The following ZNF331 variants were observed in gnomAD, a reference collection of about 807,000 sequenced individuals.
The protein encoded by ZNF331 is zinc finger protein 331.
Under a neutral mutation model 7.0 loss-of-function variants are expected in ZNF331, and 2 were observed. That is an observed-to-expected ratio of 0.29 (90% confidence interval 0.12 to 0.90). The LOEUF is 0.90. Ranked by LOEUF, ZNF331 falls within the 40% of genes least tolerant of loss-of-function variation. The probability of loss-of-function intolerance (pLI) is 0.58; values close to 1 mark genes in which losing one functional copy is unlikely to be tolerated. For missense variants in ZNF331, 432 were observed against 587.7 expected, an observed-to-expected ratio of 0.74 and a Z score of 2.74; for synonymous variants, 196 against 205.4, an observed-to-expected ratio of 0.95 and a Z score of 0.39.
upstream of ZNF331, chr19:53,537,974 G>GGGGGTCTGTGTACGCTCACATACGTGTC (rs1568471774): frequency 6.6e-6 from 1 of 152,264 alleles, no homozygotes; most frequent in Admixed American, 6.5e-5. Context: ...GCTATGTATC[G>GGGGGTCTGTGTACGCTCACATACGTGTC]GGGGTCTGTG....
the ZNF331 span, among the ~76,000 whole-genome samples, chr19:53,506,975 G>T: frequency 6.9e-4 from 105 of 152,312 alleles, 1 homozygote; most frequent in South Asian, 0.015. Context: ...TGTCTCGGCA[G>T]GTGAGAGGAG....
At chr19:53,506,478 C>CTG in the ZNF331 span, among the ~76,000 whole-genome samples, 7 of 133,338 alleles carry the variant, frequency 5.2e-5, no homozygotes, top group Admixed American at 5.3e-4. Flanking sequence ...CTCTCTCTCT[C>CTG]TCTGTCTGTC....
chr19:53,505,014 C>T, the ZNF331 span, among the ~76,000 whole-genome samples: 1 of 152,200 alleles, frequency 6.6e-6, no homozygotes, highest in Admixed American at 6.5e-5. Flanking sequence ...GTTGCTCATT[C>T]TCCTCCTGGC....
chr19:53,509,974 C>G, the ZNF331 span, among the ~76,000 whole-genome samples: 19 of 152,110 alleles, frequency 1.2e-4, no homozygotes, highest in African/African-American at 4.3e-4. Context: ...CATCAGATCT[C>G]GTGAGAACGC....
intron 2 of ZNF331, among the ~76,000 whole-genome samples, chr19:53,541,110 C>CTTTT (rs56706446): frequency 0.18 from 24,397 of 139,114 alleles, 2,282 homozygotes; most frequent in East Asian, 0.19. Context: ...TATTTCTTTT[C>CTTTT]TTTTTTTTTT....
chr19:53,514,914 T>A (rs573799956), upstream of ZNF331, among the ~76,000 whole-genome samples: 28 of 152,288 alleles, frequency 1.8e-4, 1 homozygote, highest in Middle Eastern at 3.4e-3. Flanking sequence ...CCTCCCAAAG[T>A]GCTGGATTAC....
chr19:53,524,977 A>G (rs892367141), intron 2 of ZNF331, among the ~76,000 whole-genome samples: 3 of 152,232 alleles, frequency 2.0e-5, no homozygotes, highest in African/African-American at 7.2e-5. Flanking sequence ...TCAGCTTTCT[A>G]CATATGGCTA....
rs1041896398 is a variant in ZNF331 at position 53,573,175 on chromosome 19, C to T, written c.136+1445C>T. Among the ~76,000 whole-genome samples the T allele has an allele frequency of 3.3e-5, 5 of 151,814 alleles. No individual in the cohort carries two copies. Among genetic ancestry groups the T allele is most frequent in the East Asian group, 1.9e-4 (1 of 5,156 alleles). On this transcript the variant is annotated intron_variant, in intron 5 of 5. Coordinates refer to ENST00000449416, the MANE Select transcript of ZNF331 (RefSeq NM_001079906.2). The surrounding 1 kb of genome is among the most constrained non-coding windows in gnomAD (Gnocchi z 4.2). ...CAGAGGTTGCAGTGAGCCAAGATCA[C>T]GCTACTGTGCTGCAGCCTGGGCAAC...
At chr19:53,528,058 TC>T (rs2087375195) in intron 2 of ZNF331, among the ~76,000 whole-genome samples, 1 of 152,226 alleles carries the variant, frequency 6.6e-6, no homozygotes, top group Admixed American at 6.5e-5. Flanking sequence ...ATTACACGAA[TC>T]TCCCATATCA....
At chr19:53,574,599 G>A (rs2090616102) in intron 5 of ZNF331, among the ~76,000 whole-genome samples, 1 of 152,142 alleles carries the variant, frequency 6.6e-6, no homozygotes, top group African/African-American at 2.4e-5. Flanking sequence ...AAGTGGGTTA[G>A]CCTCGCTTTA....
At chr19:53,543,928 C>A (rs1293537454) in intron 2 of ZNF331, among the ~76,000 whole-genome samples, 2 of 152,058 alleles carry the variant, frequency 1.3e-5, no homozygotes, top group African/African-American at 4.8e-5. Context: ...CTTGGTAATT[C>A]ATCATAAAAA....
chr19:53,551,868 C>T (rs1463076721), intron 2 of ZNF331, among the ~76,000 whole-genome samples: 1 of 152,106 alleles, frequency 6.6e-6, no homozygotes, highest in Non-Finnish European at 1.5e-5. Flanking sequence ...GAGTCTGAAG[C>T]ATTCGAGGAT....
chr19:53,505,460 A>T, the ZNF331 span, among the ~76,000 whole-genome samples: 1 of 152,064 alleles, frequency 6.6e-6, no homozygotes, highest in Non-Finnish European at 1.5e-5. Flanking sequence ...GTGCCTCCCA[A>T]AATGCTGGGA....
At chr19:53,562,089 A>G (rs1273761618) in intron 3 of ZNF331, among the ~76,000 whole-genome samples, 1 of 152,166 alleles carries the variant, frequency 6.6e-6, no homozygotes, top group African/African-American at 2.4e-5. Flanking sequence ...TGGAGGTTGC[A>G]GTGAGCCGAG....
At chr19:53,523,927 C>T (rs990726834) in intron 2 of ZNF331, among the ~76,000 whole-genome samples, 3 of 152,052 alleles carry the variant, frequency 2.0e-5, no homozygotes, top group Admixed American at 6.6e-5. Flanking sequence ...CCCCCAACTC[C>T]GACGGGCCCT....
At position 53,529,544 on chromosome 19, in the gene ZNF331, G is replaced by A. The variant is rs528017506; in HGVS notation, c.-205+6860G>A. 8.5e-4 allele frequency among the ~76,000 whole-genome samples: 129 copies of A among 152,186 alleles called. 4 individuals are homozygous for A. The highest frequency in any genetic ancestry group is 6.3e-4 in the Non-Finnish European group (43 of 68,030). The stretch of plus-strand genomic sequence containing the variant: ...GTAAAAGGTAAACAGGATCTCTCTC[G>A]CTGTATTGTTTCTTACAACTGCATG... On this transcript the variant is annotated intron_variant, in intron 2 of 6. Coordinates refer to the ZNF331 transcript ENST00000253144.
chr19:53,554,447 T>G (rs2089229848), intron 2 of ZNF331: 2 of 152,296 alleles, frequency 1.3e-5, no homozygotes, highest in Non-Finnish European at 2.9e-5. Flanking sequence ...TGCTGCTGCC[T>G]GCGCGCTCCG....
the ZNF331 span, among the ~76,000 whole-genome samples, chr19:53,505,242 G>A: frequency 6.6e-6 from 1 of 152,120 alleles, no homozygotes; most frequent in Admixed American, 6.5e-5. Flanking sequence ...TCAGCTTAGA[G>A]GTTTTTGGGA....
intron 2 of ZNF331, among the ~76,000 whole-genome samples, chr19:53,525,340 A>G (rs1381114205): frequency 6.6e-6 from 1 of 152,190 alleles, no homozygotes; most frequent in Non-Finnish European, 1.5e-5. Flanking sequence ...CATTGAATCT[A>G]TAAATTACCT....
Sources: gnomAD v4.1 joint callset for allele counts (sites outside exome capture counted in the v4.1 genomes callset) on GRCh38, gnomAD v4.1.1 for gene constraint, Gnocchi (gnomAD v3.1) non-coding constraint, MANE v1.5 for transcripts, NCBI Gene and HGNC (gene_info 2026-07-23, HGNC 2026-07-21) for gene names.